The following CYRIB variants were observed in gnomAD, a reference collection of about 807,000 sequenced individuals.
The protein encoded by CYRIB is CYFIP related Rac1 interactor B.
CYRIB carries 8 observed loss-of-function variants against 44.2 expected under a neutral mutation model. The observed-to-expected ratio is 0.18, with a 90% confidence interval of 0.11 to 0.33. The LOEUF (loss-of-function observed/expected upper bound fraction) is 0.33. Among genes scored for constraint, CYRIB ranks in the 10% least tolerant of loss-of-function variants. The pLI, the probability that CYRIB is intolerant of heterozygous loss-of-function variation, is 1.00. For missense variants in CYRIB, 185 were observed against 382.8 expected, an observed-to-expected ratio of 0.48 and a Z score of 4.31; for synonymous variants, 131 against 127.2, an observed-to-expected ratio of 1.03 and a Z score of -0.20.
At chr8:129,999,697 G>A (rs76884832) in intron 1 of CYRIB, among the ~76,000 whole-genome samples, 4,486 of 152,310 alleles carry the variant, frequency 0.029, 100 homozygotes, top group East Asian at 0.073. Flanking sequence ...GCACGATCAC[G>A]GCTCCCTGAA....
chr8:129,951,503 G>A (rs550680508), intron 2 of CYRIB, among the ~76,000 whole-genome samples: 2 of 151,986 alleles, frequency 1.3e-5, no homozygotes, highest in South Asian at 2.1e-4. Context: ...TCAGGAGTTC[G>A]AGACCAGCCT....
At chr8:129,917,712 C>T (rs2081443312) in intron 1 of CYRIB, among the ~76,000 whole-genome samples, 1 of 152,050 alleles carries the variant, frequency 6.6e-6, no homozygotes, top group Non-Finnish European at 1.5e-5. Context: ...CAAAAATTCG[C>T]CGGGCATGGT....
At chr8:129,879,910 TC>T (rs1294003908) in intron 2 of CYRIB, 1 of 155,144 alleles carries the variant, frequency 6.4e-6, no homozygotes, top group East Asian at 1.9e-4. Flanking sequence ...CCTTTGCATC[TC>T]ATCTTAAAAC....
intron 2 of CYRIB, 64 bp downstream of exon 2, chr8:129,970,879 T>G (rs922728278): frequency 1.3e-5 from 2 of 152,140 alleles, no homozygotes; most frequent in African/African-American, 4.8e-5. Flanking sequence ...TCATAGGAAG[T>G]GTGGTTAAGA....
At chr8:129,872,870 C>G (rs2057833723) in intron 3 of CYRIB, among the ~76,000 whole-genome samples, 1 of 152,012 alleles carries the variant, frequency 6.6e-6, no homozygotes, top group Non-Finnish European at 1.5e-5. Flanking sequence ...ACCACAAATA[C>G]ACAATGATTT....
chr8:129,879,658 A>G, intron 2 of CYRIB, 187 bp from the exon 5 acceptor site: 1 of 537,330 alleles, frequency 1.9e-6, no homozygotes, highest in Non-Finnish European at 3.3e-6. Flanking sequence ...TAGGACCTAG[A>G]GGTGAAATGT....
intron 1 of CYRIB, among the ~76,000 whole-genome samples, chr8:130,009,564 G>A (rs147867826): frequency 1.2e-3 from 175 of 152,132 alleles, no homozygotes; most frequent in African/African-American, 2.5e-3. Flanking sequence ...CACTGCGCCC[G>A]GCCCAAAAGC....
Position 129,849,707 on chromosome 8 carries a change from A to G in CYRIB, c.714-338T>C, listed in dbSNP as rs181798081. On this transcript the variant is annotated intron_variant, in intron 9 of 11. Coordinates refer to ENST00000519824, the Ensembl canonical transcript of CYRIB. Reference sequence around the variant, plus strand: ...GAGATATGAGAAGATGGTGAGTGGAACAGTCATCACCCATGTATTCTGGTT... The same window carrying G: ...GAGATATGAGAAGATGGTGAGTGGAGCAGTCATCACCCATGTATTCTGGTT... 128 of 196,104 alleles carry G rather than the reference A, an allele frequency of 6.5e-4. 1 individual carries two copies. In the South Asian group the frequency reaches 9.1e-3, roughly 14 times the overall value. The allele number at this position is 196,104 out of a possible 1,614,324, so 12.1% of individuals were successfully genotyped here. A position where few individuals can be genotyped will look rare whatever the true frequency, so the allele number is the denominator to read the frequency against.
At chr8:129,967,425 G>GCCGGA (rs2095525066) in intron 2 of CYRIB, among the ~76,000 whole-genome samples, 2 of 151,178 alleles carry the variant, frequency 1.3e-5, no homozygotes, top group East Asian at 3.9e-4. Context: ...TGTCGCCCAG[G>GCCGGA]CTGGAGTGCA....
chr8:129,875,187 G>A (rs1445898079), intron 3 of CYRIB, among the ~76,000 whole-genome samples: 1 of 151,912 alleles, frequency 6.6e-6, no homozygotes, highest in Admixed American at 6.6e-5. Flanking sequence ...TTTGTCATTA[G>A]AATAAGCTAT....
At chr8:130,009,821 G>A (rs1470831205) in intron 1 of CYRIB, among the ~76,000 whole-genome samples, 1 of 152,212 alleles carries the variant, frequency 6.6e-6, no homozygotes, top group Non-Finnish European at 1.5e-5. Flanking sequence ...TGGTTCTGCA[G>A]TGGGATGTGA....
intron 2 of CYRIB, among the ~76,000 whole-genome samples, chr8:129,969,383 C>T (rs975705406): frequency 6.6e-6 from 1 of 152,118 alleles, no homozygotes; most frequent in Admixed American, 6.6e-5. Flanking sequence ...CTTATATTTC[C>T]ATCAATTCTG....
At chr8:129,876,707 T>C (rs936588197) in intron 3 of CYRIB, among the ~76,000 whole-genome samples, 1 of 152,246 alleles carries the variant, frequency 6.6e-6, no homozygotes, top group African/African-American at 2.4e-5. Context: ...GAATTATTTC[T>C]GTAGTCACCC....
intron 2 of CYRIB, among the ~76,000 whole-genome samples, chr8:129,902,195 A>G (rs1375719940): frequency 5.3e-5 from 8 of 152,064 alleles, no homozygotes; most frequent in Non-Finnish European, 8.8e-5. Flanking sequence ...TAATAAAATG[A>G]TGGGCTGGAT....
rs561132051 is a variant in CYRIB, at chr8:129,909,704, T to C, written c.-49-6354A>G. Among the ~76,000 whole-genome samples the C allele has an allele frequency of 6.0e-4, 92 of 152,218 alleles. 1 individual carries two copies. The highest frequency in any genetic ancestry group is 7.5e-4 in the Non-Finnish European group (51 of 68,042). Reference sequence around the variant, plus strand: ...ATTAGAAGAAGTTATCCCAGTCTAATATAAAAACGTTTATGAACTATTATT... The same window carrying C: ...ATTAGAAGAAGTTATCCCAGTCTAACATAAAAACGTTTATGAACTATTATT... On this transcript the variant is annotated intron_variant, in intron 1 of 11. Transcript: ENST00000519824.
intron 11 of CYRIB, among the ~76,000 whole-genome samples, chr8:129,842,798 G>A (rs1270756222): frequency 6.6e-6 from 1 of 152,204 alleles, no homozygotes; most frequent in Non-Finnish European, 1.5e-5. Flanking sequence ...CAGAAACCAT[G>A]TGGCCCACAA....
In CYRIB at chr8:129,920,533, CAG is replaced by C. The variant is rs529476875; in HGVS notation, c.-49-17185_-49-17184del. Among the ~76,000 whole-genome samples, 157 of 152,228 alleles carry C rather than the reference CAG, an allele frequency of 1.0e-3. No individual in the cohort carries two copies. In the Middle Eastern group the frequency reaches 0.017, roughly 16 times the overall value. The stretch of plus-strand genomic sequence containing the variant: ...ACATCTTAGTTTAAATGATTTTTAA[CAG>C]ATAGTCACCCACAAACAGAATGAGT... On this transcript the variant is annotated intron_variant, in intron 1 of 11. Coordinates refer to ENST00000519824, the Ensembl canonical transcript of CYRIB.
At chr8:129,965,550 A>G (rs1183773803) in intron 2 of CYRIB, among the ~76,000 whole-genome samples, 1 of 152,072 alleles carries the variant, frequency 6.6e-6, no homozygotes, top group Non-Finnish European at 1.5e-5. Flanking sequence ...TAATCCCAGC[A>G]CTTTGGGAGG....
At chr8:129,924,704 C>T (rs2086396493) in intron 1 of CYRIB, among the ~76,000 whole-genome samples, 1 of 152,202 alleles carries the variant, frequency 6.6e-6, no homozygotes, top group Admixed American at 6.5e-5. Flanking sequence ...TAGTGGCTCC[C>T]ACCTGTAATC....
Sources: allele counts gnomAD v4.1 joint callset (sites outside exome capture counted in the v4.1 genomes callset), GRCh38; gene constraint gnomAD v4.1.1; transcripts MANE v1.5; gene names NCBI Gene and HGNC (gene_info 2026-07-23, HGNC 2026-07-21).